FGF13: variants seen among roughly 807,000 people sequenced by gnomAD.
FGF13 encodes fibroblast growth factor 13, also known as fibroblast growth factor homologous factor 2.
A neutral mutation model predicts 19.5 loss-of-function variants in FGF13; 2 were observed. The observed-to-expected ratio is 0.10, with a 90% CI of 0.04 to 0.32. The LOEUF (loss-of-function observed/expected upper bound fraction) is 0.32. FGF13 is among the 10% of genes least tolerant of loss of function. The probability of loss-of-function intolerance (pLI) is 1.00; values close to 1 mark genes in which losing one functional copy is unlikely to be tolerated. For synonymous variants in FGF13, 72 were observed against 76.9 expected, an observed-to-expected ratio of 0.94 and a Z score of 0.33; for missense variants, 113 against 192.7, an observed-to-expected ratio of 0.59 and a Z score of 2.45.
chrX:138,999,363 C>A (rs747057097), intron 1 of FGF13, among the ~76,000 whole-genome samples: 2 of 111,053 alleles, frequency 1.8e-5, no homozygotes, highest in African/African-American at 6.6e-5. Context: ...GATAGAGACA[C>A]GAAAAACCCT....
At chrX:138,974,692 C>T (rs753127196) in intron 1 of FGF13, among the ~76,000 whole-genome samples, 1 of 112,469 alleles carries the variant, frequency 8.9e-6, no homozygotes, top group South Asian at 3.7e-4. Context: ...GGGCACAATA[C>T]GTGTTTTGTA....
intron 1 of FGF13, among the ~76,000 whole-genome samples, chrX:138,983,407 G>C (rs2091972036): frequency 4.2e-5 from 1 of 23,692 alleles, no homozygotes. Flanking sequence ...TCAAAGATAA[G>C]TTGATCTTAT....
At chrX:138,685,097 C>A (rs1162298532) in intron 3 of FGF13, among the ~76,000 whole-genome samples, 3 of 111,240 alleles carry the variant, frequency 2.7e-5, no homozygotes, top group African/African-American at 9.8e-5. Context: ...GTTTAGCAAC[C>A]ACAAGGAGAT....
At chrX:138,637,491 A>G (rs2089197614) in intron 3 of FGF13, among the ~76,000 whole-genome samples, 1 of 112,477 alleles carries the variant, frequency 8.9e-6, no homozygotes, top group Non-Finnish European at 1.9e-5. Context: ...CCACATAAAC[A>G]ATGTATGGCT....
In FGF13 at chrX:138,625,514, A is replaced by G. The variant is rs775362861; in HGVS notation, c.*7336T>C. Reference sequence around the variant, plus strand: ...ATATATATACATATATATATATAATATAATATATATATATATCTTAGCCAT... The same window carrying G: ...ATATATATACATATATATATATAATGTAATATATATATATATCTTAGCCAT... On this transcript the variant is annotated 3_prime_UTR_variant, in exon 5 of 5. Transcript: ENST00000315930. The G allele has an allele frequency of 1.1e-5, 1 of 91,313 alleles. No homozygotes were observed. The highest frequency in any genetic ancestry group is 1.2e-4 in the Admixed American group (1 of 8,076). The allele number at this position is 91,313 out of a possible 1,213,427, so 7.5% of individuals were successfully genotyped here.
rs770987790 is a variant in FGF13 at position 138,966,861 on chromosome X, T to C, written c.-112-102211A>G. 2.1e-4 allele frequency among the ~76,000 whole-genome samples: 23 copies of C among 111,303 alleles called. 1 individual carries two copies. The East Asian group carries it at 5.7e-3, about 28-fold the overall frequency. ...GGACAAAGTGGAGATAACTGAATCA[T>C]GGGGGGTGGTTTCCCCCATACTACT... On this transcript the variant is annotated intron_variant, in intron 1 of 2. Coordinates refer to the FGF13 transcript ENST00000421460.
chrX:138,950,478 G>C (rs193074069), intron 1 of FGF13, among the ~76,000 whole-genome samples: 1 of 111,554 alleles, frequency 9.0e-6, no homozygotes, highest in Non-Finnish European at 1.9e-5. Flanking sequence ...TAGATGATAG[G>C]AGTGAGCCTC....
At chrX:138,919,049 A>G (rs1029993728) in intron 1 of FGF13, among the ~76,000 whole-genome samples, 9 of 111,651 alleles carry the variant, frequency 8.1e-5, no homozygotes, top group East Asian at 5.6e-4. Context: ...TTACCTATGG[A>G]AAAAAATGCA....
chrX:138,810,040 T>C (rs1213333327), intron 3 of FGF13, among the ~76,000 whole-genome samples: 1 of 111,920 alleles, frequency 8.9e-6, no homozygotes, highest in Non-Finnish European at 1.9e-5. Context: ...ATAGATTCAA[T>C]GCCATCCCCA....
At chrX:138,827,131 G>A (rs1336516786) in intron 3 of FGF13, among the ~76,000 whole-genome samples, 1 of 112,299 alleles carries the variant, frequency 8.9e-6, no homozygotes, top group African/African-American at 3.2e-5. Flanking sequence ...TTGTATCCAA[G>A]ATAGAAAAAG....
chrX:138,827,777 A>G (rs1160041431), intron 3 of FGF13, among the ~76,000 whole-genome samples: 4 of 112,105 alleles, frequency 3.6e-5, no homozygotes, highest in Non-Finnish European at 5.6e-5. Flanking sequence ...CTAAATCATC[A>G]TAATCATAAA....
intron 1 of FGF13, among the ~76,000 whole-genome samples, chrX:139,109,699 G>A (rs865779025): frequency 1.1e-4 from 12 of 111,472 alleles, no homozygotes; most frequent in South Asian, 3.8e-4. Context: ...GCTGTTGAGA[G>A]GCTCAAGTGA....
At chrX:138,730,338 TA>T (rs1000395705) in intron 1 of FGF13, among the ~76,000 whole-genome samples, 2 of 110,374 alleles carry the variant, frequency 1.8e-5, no homozygotes, top group African/African-American at 6.6e-5. Context: ...AGTATAATAA[TA>T]AAAAAATAAT....
intron 3 of FGF13, among the ~76,000 whole-genome samples, chrX:138,666,407 G>T: frequency 8.9e-6 from 1 of 111,809 alleles, no homozygotes; most frequent in East Asian, 2.8e-4. Flanking sequence ...GATCCAAAAA[G>T]TACGTATGAC....
At chrX:138,829,395 C>A (rs1272581677) in intron 3 of FGF13, among the ~76,000 whole-genome samples, 2 of 110,667 alleles carry the variant, frequency 1.8e-5, no homozygotes, top group Admixed American at 9.6e-5. Context: ...TAGCCTGGCA[C>A]CTCTTCCCCT....
At chrX:139,146,440 G>A (rs2083889882) in intron 1 of FGF13, among the ~76,000 whole-genome samples, 2 of 112,245 alleles carry the variant, frequency 1.8e-5, no homozygotes, top group East Asian at 2.8e-4. Context: ...ACACCAGTTA[G>A]CATGGCGATC....
intron 1 of FGF13, among the ~76,000 whole-genome samples, chrX:139,174,478 A>G (rs1201469613): frequency 3.6e-5 from 4 of 112,264 alleles, no homozygotes; most frequent in Non-Finnish European, 7.5e-5. Context: ...ATCTTTGCCC[A>G]TGCCTATGTC....
At chrX:138,743,772 G>T (rs143601695), upstream of FGF13, among the ~76,000 whole-genome samples, 1,010 of 111,582 alleles carry the variant, frequency 9.1e-3, 14 homozygotes, top group South Asian at 0.046. Flanking sequence ...GACAACCCTA[G>T]AAGGTTTTGT....
At chrX:138,857,553 G>C in exon 3 of FGF13, 1 of 1,207,600 alleles carries the variant, frequency 8.3e-7, no homozygotes, top group Non-Finnish European at 1.1e-6. Context: ...TTGCTTCAGC[G>C]GGCAGCAGAA....
Sources: allele counts gnomAD v4.1 joint callset (sites outside exome capture counted in the v4.1 genomes callset), GRCh38; gene constraint gnomAD v4.1.1; transcripts MANE v1.5; gene names NCBI Gene and HGNC (gene_info 2026-07-23, HGNC 2026-07-21).